The following MAGI2 variants were observed in gnomAD, a reference collection of about 807,000 sequenced individuals.
MAGI2 encodes membrane-associated guanylate kinase, WW and PDZ domain-containing protein 2.
In MAGI2, 35 loss-of-function variants were observed where a neutral mutation model predicts 133.3. The observed-to-expected ratio is 0.26, with a 90% CI of 0.20 to 0.35. The LOEUF (loss-of-function observed/expected upper bound fraction) is 0.35, where lower values mean the gene tolerates loss of function less well. Ranked by LOEUF, MAGI2 falls within the 10% of genes least tolerant of loss-of-function variation. The pLI, the probability that MAGI2 is intolerant of heterozygous loss-of-function variation, is 1.00. For synonymous variants in MAGI2, 729 were observed against 710.6 expected (o/e 1.03, Z -0.41); for missense variants, 1,636 against 1,863.4 (o/e 0.88, Z 2.25).
Position 78,406,992 on chromosome 7 carries a change from A to C in MAGI2, c.1046-37779T>G, listed in dbSNP as rs1022733545. On this transcript the variant is annotated intron_variant, in intron 6 of 21. Transcript: ENST00000354212. ...TGGACATGCAGCACAAAAAAAGCCC[A>C]AAAAATCCTCTTCTGAAGAAGCAGT... Among the ~76,000 whole-genome samples, 13 of 152,106 alleles carry C rather than the reference A, an allele frequency of 8.5e-5. 1 individual carries two copies. Among genetic ancestry groups the C allele is most frequent in the African/African-American group, 2.2e-4 (9 of 41,438 alleles).
intron 3 of MAGI2, among the ~76,000 whole-genome samples, chr7:78,573,538 G>T (rs377737226): frequency 6.8e-6 from 1 of 146,038 alleles, no homozygotes; most frequent in Non-Finnish European, 1.5e-5. Flanking sequence ...CTTTCGGGTC[G>T]CTTGATAAAT....
At chr7:78,880,132 C>G (rs1795735639) in intron 2 of MAGI2, among the ~76,000 whole-genome samples, 1 of 108,648 alleles carries the variant, frequency 9.2e-6, no homozygotes, top group Non-Finnish European at 2.2e-5. Context: ...AAAAAGTAAA[C>G]AATCCAAAAA....
At chr7:78,725,308 A>C (rs1346000554) in intron 2 of MAGI2, among the ~76,000 whole-genome samples, 1 of 152,222 alleles carries the variant, frequency 6.6e-6, no homozygotes, top group African/African-American at 2.4e-5. Context: ...TGAGCACTAA[A>C]AAAATTTAAA....
At chr7:79,196,362 T>C (rs1828083259) in intron 1 of MAGI2, among the ~76,000 whole-genome samples, 1 of 152,070 alleles carries the variant, frequency 6.6e-6, no homozygotes. Flanking sequence ...AGCAATCAAA[T>C]GGCACCTTGC....
At chr7:79,101,641 G>A (rs1458928722) in intron 1 of MAGI2, among the ~76,000 whole-genome samples, 2 of 150,906 alleles carry the variant, frequency 1.3e-5, no homozygotes, top group African/African-American at 4.9e-5. Flanking sequence ...GGAGAATGGC[G>A]GGAACCCGGG....
At chr7:79,253,537 G>A (rs1170635830) in intron 1 of MAGI2, among the ~76,000 whole-genome samples, 1 of 152,036 alleles carries the variant, frequency 6.6e-6, no homozygotes, top group Non-Finnish European at 1.5e-5. Context: ...CAGCTACTCA[G>A]GAGGCTGAGG....
intron 6 of MAGI2, among the ~76,000 whole-genome samples, chr7:78,378,749 G>A (rs1420487009): frequency 6.6e-6 from 1 of 151,966 alleles, no homozygotes; most frequent in Non-Finnish European, 1.5e-5. Flanking sequence ...TCGACCAAGA[G>A]ATATTTTGAG....
chr7:79,319,136 T>G (rs1838977842), intron 1 of MAGI2, among the ~76,000 whole-genome samples: 1 of 152,140 alleles, frequency 6.6e-6, no homozygotes, highest in Non-Finnish European at 1.5e-5. Context: ...CTTTCTTTCC[T>G]GACTTTCCTG....
chr7:78,162,654 G>C (rs1825188507), intron 15 of MAGI2, among the ~76,000 whole-genome samples: 1 of 152,128 alleles, frequency 6.6e-6, no homozygotes, highest in African/African-American at 2.4e-5. Flanking sequence ...AGGATTCCCT[G>C]GGTAAGTCAA....
chr7:78,138,324 T>G (rs1822376137), intron 16 of MAGI2, among the ~76,000 whole-genome samples: 1 of 152,154 alleles, frequency 6.6e-6, no homozygotes. Context: ...TGCAGTTGTC[T>G]TTTGACAGGC....
At chr7:78,029,030 C>T (rs1055333951) in intron 21 of MAGI2, among the ~76,000 whole-genome samples, 3 of 151,990 alleles carry the variant, frequency 2.0e-5, no homozygotes, top group Non-Finnish European at 4.4e-5. Flanking sequence ...ATATTAATAA[C>T]CTTATTAATA....
chr7:78,142,435 G>A (rs3823789), intron 16 of MAGI2, among the ~76,000 whole-genome samples: 40,153 of 151,956 alleles, frequency 0.26, 5,477 homozygotes, highest in African/African-American at 0.32. Flanking sequence ...CCTTTTCTCT[G>A]TGGGTGCATT....
At chr7:78,839,286 AC>A (rs1466323395) in intron 2 of MAGI2, among the ~76,000 whole-genome samples, 5 of 152,122 alleles carry the variant, frequency 3.3e-5, no homozygotes, top group Admixed American at 3.3e-4. Context: ...TACATTTCTA[AC>A]ATGGACTTAG....
At chr7:78,885,075 G>A (rs891031345) in intron 2 of MAGI2, among the ~76,000 whole-genome samples, 1 of 152,122 alleles carries the variant, frequency 6.6e-6, no homozygotes, top group African/African-American at 2.4e-5. Flanking sequence ...CAAATACCAT[G>A]TTCTCTCTTA....
chr7:78,501,505 T>A (rs1385040069), intron 5 of MAGI2, 72 bp downstream of exon 5: 7 of 1,174,350 alleles, frequency 6.0e-6, no homozygotes, highest in Non-Finnish European at 8.6e-6. Flanking sequence ...TTTTTCCACG[T>A]CTAACTTGCT....
chr7:78,876,403 AG>A (rs1363794442), intron 2 of MAGI2, among the ~76,000 whole-genome samples: 1 of 152,068 alleles, frequency 6.6e-6, no homozygotes, highest in African/African-American at 2.4e-5. Context: ...AAAAAGGGAA[AG>A]GTAGAAGAAA....
chr7:78,739,296 G>A (rs115464530), intron 2 of MAGI2, among the ~76,000 whole-genome samples: 231 of 152,312 alleles, frequency 1.5e-3, no homozygotes, highest in African/African-American at 5.3e-3. Context: ...CACCGAACTT[G>A]AATATAGGAA....
chr7:79,265,313 G>T (rs1422450304), intron 1 of MAGI2, among the ~76,000 whole-genome samples: 1 of 152,110 alleles, frequency 6.6e-6, no homozygotes, highest in Admixed American at 6.6e-5. Context: ...TAATACACAT[G>T]AAAGTTTGAG....
At chr7:78,638,898 A>G (rs1265206252) in intron 2 of MAGI2, among the ~76,000 whole-genome samples, 1 of 152,224 alleles carries the variant, frequency 6.6e-6, no homozygotes, top group African/African-American at 2.4e-5. Context: ...TTTAGCAGAT[A>G]ATGTTTCAAG....
Sources: allele counts gnomAD v4.1 joint callset (sites outside exome capture counted in the v4.1 genomes callset), GRCh38; gene constraint gnomAD v4.1.1; transcripts MANE v1.5; gene names NCBI Gene and HGNC (gene_info 2026-07-23, HGNC 2026-07-21).